Variants in ABL1 observed in about 807,000 individuals in gnomAD.
The protein encoded by ABL1 is tyrosine-protein kinase ABL1.
Under a neutral mutation model 94.7 loss-of-function variants are expected in ABL1, and 11 were observed. The observed-to-expected ratio is 0.12, with a 90% CI of 0.07 to 0.19. The LOEUF is 0.19. Ranked by LOEUF, ABL1 falls within the 10% of genes least tolerant of loss-of-function variation. The pLI is 1.00. For missense variants in ABL1, 1,082 were observed against 1,489.4 expected (o/e 0.73, Z 4.50); for synonymous variants, 656 against 622.4 (o/e 1.05, Z -0.80).
chr9:130,856,908 G>C (rs943662368), intron 3 of ABL1, among the ~76,000 whole-genome samples: 8 of 152,072 alleles, frequency 5.3e-5, no homozygotes, highest in Non-Finnish European at 1.0e-4. Context: ...CCAATCTTTA[G>C]TTATTGTAAA....
chr9:130,745,929 TA>T (rs35152617), intron 1 of ABL1, among the ~76,000 whole-genome samples: 34,730 of 152,092 alleles, frequency 0.23, 4,207 homozygotes, highest in Middle Eastern at 0.4. Flanking sequence ...GCTTTGTACT[TA>T]ACGGACTCAG....
At chr9:130,722,082 A>C (rs1174284795) in intron 1 of ABL1, among the ~76,000 whole-genome samples, 2 of 151,230 alleles carry the variant, frequency 1.3e-5, no homozygotes, top group African/African-American at 2.4e-5. Flanking sequence ...GTGCCTGGCT[A>C]TCCGATTCTC....
Position 130,885,826 on chromosome 9 carries a change from C to T in ABL1, c.*143C>T, listed in dbSNP as rs1313916115. 3.6e-6 allele frequency: 4 copies of T among 1,116,664 alleles called. No individual in the cohort carries two copies. In the East Asian group the frequency reaches 1.0e-4, roughly 29 times the overall value. The allele number at this position is 1,116,664 out of a possible 1,614,324, so 69.2% of individuals were successfully genotyped here. Reference sequence around the variant, plus strand: ...CTCTGCGCCAGGCAGAGCTGAGGGCCCTGTGGAGTCCAGCTCTACTACCTA... The same window carrying T: ...CTCTGCGCCAGGCAGAGCTGAGGGCTCTGTGGAGTCCAGCTCTACTACCTA... On this transcript the variant is annotated 3_prime_UTR_variant, in exon 11 of 11. Transcript: ENST00000318560.
intron 1 of ABL1, among the ~76,000 whole-genome samples, chr9:130,766,736 CT>C (rs1198977895): frequency 6.6e-6 from 1 of 152,164 alleles, no homozygotes; most frequent in East Asian, 1.9e-4. Flanking sequence ...ACACCACCCA[CT>C]GCTCTGCTGT....
chr9:130,849,604 T>C (rs961995334), intron 1 of ABL1, among the ~76,000 whole-genome samples: 6 of 152,294 alleles, frequency 3.9e-5, no homozygotes, highest in East Asian at 1.9e-4. Context: ...CTGCAACCTC[T>C]GCCTCCCAGG....
At chr9:130,856,514 G>A (rs1329538948) in intron 3 of ABL1, among the ~76,000 whole-genome samples, 2 of 152,158 alleles carry the variant, frequency 1.3e-5, no homozygotes, top group South Asian at 2.1e-4. Context: ...GAGCCACTGT[G>A]CCCAGCCTAT....
intron 1 of ABL1, among the ~76,000 whole-genome samples, chr9:130,725,469 C>G (rs1185686184): frequency 2.6e-5 from 4 of 152,288 alleles, no homozygotes; most frequent in African/African-American, 9.6e-5. Context: ...CAACCTCTGC[C>G]TCCCAGGTTC....
intron 3 of ABL1, among the ~76,000 whole-genome samples, chr9:130,858,675 C>T (rs1432424727): frequency 2.0e-5 from 3 of 152,202 alleles, no homozygotes; most frequent in Non-Finnish European, 2.9e-5. Flanking sequence ...ATGCTGCTCA[C>T]ATAGCAGAAC....
chr9:130,809,309 G>A, intron 1 of ABL1, among the ~76,000 whole-genome samples: 1 of 151,530 alleles, frequency 6.6e-6, no homozygotes, highest in South Asian at 2.1e-4. Flanking sequence ...GTTCCCAGTA[G>A]CAGAGTAGAA....
rs528667207 is a variant in ABL1, at chr9:130,876,980, G to A, written c.1271-1435G>A. 1.9e-4 allele frequency among the ~76,000 whole-genome samples: 28 copies of A among 146,410 alleles called. 1 individual carries two copies. In the East Asian group the frequency reaches 3.9e-3, roughly 20 times the overall value. On this transcript the variant is annotated intron_variant, in intron 7 of 10. Coordinates refer to ENST00000318560, the MANE Select transcript of ABL1 (RefSeq NM_005157.6). ...TCTCGATCTCCGGACTTCGTGATCC[G>A]CCCACCTTGGCCTCCCAAAGTGCAC... is the stretch of plus-strand genomic sequence containing the variant.
intron 1 of ABL1, among the ~76,000 whole-genome samples, chr9:130,771,022 A>G (rs1348749721): frequency 2.6e-5 from 4 of 152,314 alleles, no homozygotes; most frequent in South Asian, 2.1e-4. Context: ...AAATGTGTCT[A>G]TATCTGTTTA....
At chr9:130,781,872 T>C (rs939337298) in intron 1 of ABL1, among the ~76,000 whole-genome samples, 1 of 152,038 alleles carries the variant, frequency 6.6e-6, no homozygotes, top group African/African-American at 2.4e-5. Context: ...AATAATGCAG[T>C]GGCTTTCAAG....
At chr9:130,792,345 G>T (rs1404264703) in intron 1 of ABL1, among the ~76,000 whole-genome samples, 1 of 152,154 alleles carries the variant, frequency 6.6e-6, no homozygotes, top group Non-Finnish European at 1.5e-5. Context: ...TCACATGGTA[G>T]CTCGCATGGT....
At chr9:130,746,769 T>C (rs1831893831) in intron 1 of ABL1, among the ~76,000 whole-genome samples, 1 of 152,128 alleles carries the variant, frequency 6.6e-6, no homozygotes. Context: ...TATATGAACA[T>C]AATTTTTTAA....
rs1053256194 is a variant in ABL1, at chr9:130,721,820, T to G, written c.136+7365T>G. Among the ~76,000 whole-genome samples, 11 of 128,784 alleles carry G rather than the reference T, an allele frequency of 8.5e-5. No individual in the cohort carries two copies. In the East Asian group the frequency reaches 2.6e-3, roughly 30 times the overall value. The allele number at this position is 128,784 out of a possible 152,430, so 84.5% of individuals were successfully genotyped here. On this transcript the variant is annotated intron_variant, in intron 1 of 10. Transcript: ENST00000372348. ...AAAGTTAAATTTGTCAGGTTTTTTT[T>G]TGTTTTTTTTTTTTTTTTTGAGACA...
chr9:130,850,242 G>A (rs1017190803), intron 1 of ABL1, among the ~76,000 whole-genome samples: 2 of 152,198 alleles, frequency 1.3e-5, no homozygotes, highest in African/African-American at 4.8e-5. Flanking sequence ...TTGTTTCTAG[G>A]AAAATTAAGA....
intron 1 of ABL1, among the ~76,000 whole-genome samples, chr9:130,787,109 G>A (rs1341599042): frequency 2.0e-5 from 3 of 152,072 alleles, no homozygotes; most frequent in East Asian, 1.9e-4. Flanking sequence ...TTTTGATCAC[G>A]CTTGCATAAT....
intron 1 of ABL1, among the ~76,000 whole-genome samples, chr9:130,808,615 G>T (rs543350948): frequency 6.6e-6 from 1 of 152,278 alleles, no homozygotes; most frequent in South Asian, 2.1e-4. Flanking sequence ...AGGGCCTTCA[G>T]ACTTGCCTCG....
At chr9:130,773,317 C>T (rs1470442854) in intron 1 of ABL1, among the ~76,000 whole-genome samples, 2 of 151,718 alleles carry the variant, frequency 1.3e-5, no homozygotes, top group Non-Finnish European at 2.9e-5. Flanking sequence ...GAAACTCCAT[C>T]TCGAATTTAA....
Sources: gnomAD v4.1 joint callset for allele counts (sites outside exome capture counted in the v4.1 genomes callset) on GRCh38, gnomAD v4.1.1 for gene constraint, MANE v1.5 for transcripts, NCBI Gene and HGNC (gene_info 2026-07-23, HGNC 2026-07-21) for gene names.